Variants in MEIS1 observed in about 807,000 individuals in gnomAD.
The protein encoded by MEIS1 is homeobox protein Meis1.
MEIS1 carries 5 observed loss-of-function variants against 50.8 expected under a neutral mutation model. The ratio of observed to expected loss-of-function variants is 0.10; its 90% CI spans 0.05 to 0.21. The LOEUF is 0.21. Among genes scored for constraint, MEIS1 ranks in the 10% least tolerant of loss-of-function variants. The pLI is 1.00. For missense variants in MEIS1, 318 were observed against 517.3 expected (o/e 0.61, Z 3.74); for synonymous variants, 176 against 179.3 (o/e 0.98, Z 0.15).
At chr2:66,567,129 T>A (rs143074296) in intron 9 of MEIS1, among the ~76,000 whole-genome samples, 2 of 152,196 alleles carry the variant, frequency 1.3e-5, no homozygotes. Context: ...TTTCTCTCTT[T>A]GCAAATGAAA....
intron 7 of MEIS1, among the ~76,000 whole-genome samples, chr2:66,503,970 C>T (rs971430528): frequency 7.9e-5 from 12 of 151,970 alleles, no homozygotes; most frequent in Non-Finnish European, 1.0e-4. Context: ...TGGTCTCGAT[C>T]TCCTGACCTC....
intron 12 of MEIS1, chr2:66,569,718 GA>G: frequency 6.5e-6 from 1 of 152,898 alleles, no homozygotes. Context: ...GTGGCAATGG[GA>G]AAAGGGAGAA....
At chr2:66,518,297 A>G (rs1170255108) in intron 8 of MEIS1, among the ~76,000 whole-genome samples, 3 of 152,232 alleles carry the variant, frequency 2.0e-5, no homozygotes, top group Non-Finnish European at 4.4e-5. Context: ...GTGCAGTGAA[A>G]TAAGTGGTTT....
At chr2:66,537,328 T>C (rs1674545366) in intron 8 of MEIS1, among the ~76,000 whole-genome samples, 1 of 152,214 alleles carries the variant, frequency 6.6e-6, no homozygotes, top group Admixed American at 6.5e-5. Context: ...CTGCTGTTTG[T>C]ATGCCGTCTT....
rs1672030146 is a variant in MEIS1, at chr2:66,442,845, A to G, written c.484-57A>G. On this transcript the variant is annotated intron_variant, in intron 5 of 12. Transcript: ENST00000272369. The stretch of plus-strand genomic sequence containing the variant: ...CAAGGGGGGTGGATTGCACTTGTCA[A>G]TGTCATTTATGCACTCCTGATTATA... The G allele has an allele frequency of 6.1e-6, 9 of 1,481,452 alleles. No homozygotes were observed. The South Asian group carries it at 1.0e-4, about 17-fold the overall frequency. 91.8% of individuals were successfully genotyped at this position (1,481,452 alleles called of 1,614,324 possible).
intron 8 of MEIS1, among the ~76,000 whole-genome samples, chr2:66,513,066 AT>A (rs1440357416): frequency 6.6e-6 from 1 of 152,152 alleles, no homozygotes; most frequent in African/African-American, 2.4e-5. Context: ...TAATAATAAT[AT>A]TTTGGTGGAT....
At chr2:66,494,004 T>G (rs1204173325) in intron 7 of MEIS1, among the ~76,000 whole-genome samples, 4 of 152,108 alleles carry the variant, frequency 2.6e-5, no homozygotes, top group African/African-American at 4.8e-5. Context: ...TCTAATTGTT[T>G]CCTGAAAAAA....
intron 7 of MEIS1, among the ~76,000 whole-genome samples, chr2:66,487,654 G>A (rs1386701708): frequency 6.6e-6 from 1 of 152,182 alleles, no homozygotes; most frequent in African/African-American, 2.4e-5. Flanking sequence ...CTTCTAAGAG[G>A]ACCTGTGGCC....
intron 6 of MEIS1, among the ~76,000 whole-genome samples, chr2:66,446,827 C>A (rs1460430152): frequency 6.6e-6 from 1 of 152,234 alleles, no homozygotes; most frequent in Non-Finnish European, 1.5e-5. Context: ...CGCAGGGCCG[C>A]CAGGCCTCTG....
At chr2:66,437,243 T>C (rs1573112670) in intron 1 of MEIS1, 1 of 154,742 alleles carries the variant, frequency 6.5e-6, no homozygotes, top group East Asian at 1.9e-4. Context: ...GAGAAGCCTG[T>C]CTAAATTCAC....
At chr2:66,571,149 G>A in intron 12 of MEIS1, 97 bp from the exon 13 acceptor site, 1 of 1,213,152 alleles carries the variant, frequency 8.2e-7, no homozygotes. Flanking sequence ...CTTAATCACA[G>A]GGTTCTCTGG....
intron 7 of MEIS1, among the ~76,000 whole-genome samples, chr2:66,510,962 A>G (rs1673814738): frequency 1.3e-5 from 2 of 152,164 alleles, no homozygotes; most frequent in Non-Finnish European, 2.9e-5. Context: ...TGGGTCGTGT[A>G]GTTGGCTCTC....
At chr2:66,490,697 C>T (rs760700950) in intron 7 of MEIS1, among the ~76,000 whole-genome samples, 2 of 152,006 alleles carry the variant, frequency 1.3e-5, no homozygotes, top group African/African-American at 2.4e-5. Context: ...GGGCTGAACT[C>T]CACTGATGAA....
Position 66,548,027 on chromosome 2 carries a change from A to G in MEIS1, c.965+8A>G, listed in dbSNP as rs771506025. 8 of 1,612,068 alleles carry G rather than the reference A, an allele frequency of 5.0e-6. No homozygotes were observed. Among genetic ancestry groups the G allele is most frequent in the Non-Finnish European group, 6.8e-6 (8 of 1,178,892 alleles). Reference sequence around the variant, plus strand: ...CCTTCAAGTGAACAATTGGTAAGTAATTTGGCTTTGTGTTTACACACAATC... The same window carrying G: ...CCTTCAAGTGAACAATTGGTAAGTAGTTTGGCTTTGTGTTTACACACAATC... On this transcript the variant is annotated splice_region_variant and intron_variant, in intron 9 of 12. Transcript: ENST00000272369.
intron 11 of MEIS1, 115 bp downstream of exon 11, chr2:66,568,871 C>G (rs998937787): frequency 8.8e-7 from 1 of 1,135,290 alleles, no homozygotes; most frequent in African/African-American, 1.5e-5. Context: ...GGCTGCCTTG[C>G]CTTGTCTGCT....
At chr2:66,566,822 A>AAC (rs1553382831) in intron 9 of MEIS1, among the ~76,000 whole-genome samples, 5,415 of 150,612 alleles carry the variant, frequency 0.036, 126 homozygotes, top group South Asian at 0.076. Flanking sequence ...AAAAAAAAAA[A>AAC]AACAACAACA....
At chr2:66,505,625 A>C (rs1271772858) in intron 7 of MEIS1, among the ~76,000 whole-genome samples, 2 of 152,196 alleles carry the variant, frequency 1.3e-5, no homozygotes, top group Admixed American at 1.3e-4. Context: ...TAAACCTGGG[A>C]AATGTGCAAA....
In MEIS1 at chr2:66,571,400, C is replaced by T. The variant is rs763238213; in HGVS notation, c.*192C>T. ...ATACGTACATTCCTGGACACCCTCA[C>T]CACCCAACAGTGATGATGCATGGAG... On this transcript the variant is annotated 3_prime_UTR_variant, in exon 13 of 13. Transcript: ENST00000272369. 4 of 1,605,686 alleles carry T rather than the reference C, an allele frequency of 2.5e-6. No homozygotes were observed. The highest frequency in any genetic ancestry group is 2.6e-6 in the Non-Finnish European group (3 of 1,176,332).
At chr2:66,480,686 T>G (rs1282710385) in intron 7 of MEIS1, among the ~76,000 whole-genome samples, 1 of 152,176 alleles carries the variant, frequency 6.6e-6, no homozygotes, top group East Asian at 1.9e-4. Flanking sequence ...CATCAGAAAG[T>G]CATAACATGT....
Sources: gnomAD v4.1 joint callset for allele counts (sites outside exome capture counted in the v4.1 genomes callset) on GRCh38, gnomAD v4.1.1 for gene constraint, MANE v1.5 for transcripts, NCBI Gene and HGNC (gene_info 2026-07-23, HGNC 2026-07-21) for gene names.